Variants in UBE2K observed in about 807,000 individuals in gnomAD.
UBE2K encodes ubiquitin conjugating enzyme E2 K.
UBE2K carries 6 observed loss-of-function variants against 30.0 expected under a neutral mutation model. The observed-to-expected ratio is 0.20, with a 90% CI of 0.11 to 0.39. UBE2K has a LOEUF of 0.39. UBE2K is among the 10% of genes least tolerant of loss of function. The pLI, the probability that UBE2K is intolerant of heterozygous loss-of-function variation, is 1.00. For missense variants in UBE2K, 61 were observed against 241.6 expected, an observed-to-expected ratio of 0.25 and a Z score of 4.96; for synonymous variants, 86 against 83.7, an observed-to-expected ratio of 1.03 and a Z score of -0.15.
At chr4:39,758,464 G>C (rs1051360915) in intron 4 of UBE2K, among the ~76,000 whole-genome samples, 1 of 152,140 alleles carries the variant, frequency 6.6e-6, no homozygotes, top group Non-Finnish European at 1.5e-5. Flanking sequence ...GATCGCTTGA[G>C]GTCAGAAGTT....
chr4:39,733,901 G>A (rs1246899516), intron 1 of UBE2K, among the ~76,000 whole-genome samples: 2 of 152,046 alleles, frequency 1.3e-5, no homozygotes, highest in Non-Finnish European at 2.9e-5. Flanking sequence ...GACTCTTAAA[G>A]TAAGACTTTA....
chr4:39,761,869 T>C (rs1274952371), intron 4 of UBE2K, among the ~76,000 whole-genome samples: 1 of 152,162 alleles, frequency 6.6e-6, no homozygotes, highest in African/African-American at 2.4e-5. Flanking sequence ...TCATTTTTTT[T>C]TTTTAAAGTT....
intron 1 of UBE2K, among the ~76,000 whole-genome samples, chr4:39,706,254 G>C (rs1396610994): frequency 6.6e-6 from 1 of 151,940 alleles, no homozygotes; most frequent in Non-Finnish European, 1.5e-5. Flanking sequence ...CTGACCTCGT[G>C]ATCTGCCTGC....
intron 4 of UBE2K, among the ~76,000 whole-genome samples, chr4:39,773,864 G>T (rs369703369): frequency 4.9e-4 from 72 of 146,712 alleles, no homozygotes; most frequent in African/African-American, 1.2e-3. Context: ...GAGCTTGCAG[G>T]GAGCCGAGAT....
At chr4:39,766,946 T>G (rs2109396042) in intron 4 of UBE2K, among the ~76,000 whole-genome samples, 1 of 152,218 alleles carries the variant, frequency 6.6e-6, no homozygotes, top group South Asian at 2.1e-4. Context: ...AGATGGTGTT[T>G]TACCATGTTG....
intron 1 of UBE2K, among the ~76,000 whole-genome samples, chr4:39,705,926 T>A (rs928757870): frequency 1.4e-5 from 2 of 147,512 alleles, no homozygotes; most frequent in East Asian, 4.2e-4. Context: ...CTCAGCTCAC[T>A]GCAACCTCCG....
At chr4:39,772,821 G>A (rs1320300871) in intron 4 of UBE2K, among the ~76,000 whole-genome samples, 1 of 151,566 alleles carries the variant, frequency 6.6e-6, no homozygotes, top group African/African-American at 2.4e-5. Flanking sequence ...CTGAGCAGCT[G>A]GGATTACAGG....
At chr4:39,702,206 A>ATTTTCTTTTCTTTTC (rs36232683) in intron 1 of UBE2K, among the ~76,000 whole-genome samples, 7 of 97,922 alleles carry the variant, frequency 7.1e-5, no homozygotes, top group South Asian at 3.5e-4. Flanking sequence ...CTTTGGTAAC[A>ATTTTCTTTTCTTTTC]TTTTCTTTTC....
At chr4:39,711,690 G>C (rs1011877863) in intron 1 of UBE2K, among the ~76,000 whole-genome samples, 3 of 151,882 alleles carry the variant, frequency 2.0e-5, no homozygotes, top group African/African-American at 7.3e-5. Flanking sequence ...GCTTCTGCCT[G>C]ACTGGACATT....
chr4:39,774,993 G>A, intron 5 of UBE2K, 60 bp downstream of exon 5: 1 of 1,198,430 alleles, frequency 8.3e-7, no homozygotes, highest in Non-Finnish European at 1.2e-6. Flanking sequence ...AGCCACTTCA[G>A]TGGTTTGCAC....
At chr4:39,769,977 AC>A (rs750523436) in intron 4 of UBE2K, 98 of 823,016 alleles carry the variant, frequency 1.2e-4, no homozygotes, top group Non-Finnish European at 1.7e-4. Context: ...TCCCACTCTT[AC>A]CTTTCTGCCC....
At chr4:39,762,935 A>ATTTTT (rs1712052708) in intron 4 of UBE2K, among the ~76,000 whole-genome samples, 1 of 89,722 alleles carries the variant, frequency 1.1e-5, no homozygotes, top group Non-Finnish European at 2.3e-5. Context: ...GCCAAAAAAC[A>ATTTTT]CTTTTTTTTT....
chr4:39,757,021 T>TG lies in UBE2K; in HGVS notation c.299+1282_299+1283insG, dbSNP rs1560370560. 7.1e-4 allele frequency among the ~76,000 whole-genome samples: 70 copies of TG among 98,344 alleles called. 3 individuals carry two copies. The highest frequency in any genetic ancestry group is 3.1e-3 in the African/African-American group (70 of 22,476). The allele number at this position is 98,344 out of a possible 152,430, so 64.5% of individuals were successfully genotyped here. A position where few individuals can be genotyped will look rare whatever the true frequency, so the allele number is the denominator to read the frequency against. On this transcript the variant is annotated intron_variant, in intron 4 of 6. Transcript: ENST00000261427. ...GGGTGTTTTTTTTTTGTTTTTTGTT[T>TG]TTTGTTTTTTGTTTTTTTTTTGAGA...
At chr4:39,712,550 C>T (rs1016205168) in intron 1 of UBE2K, among the ~76,000 whole-genome samples, 4 of 151,888 alleles carry the variant, frequency 2.6e-5, no homozygotes, top group African/African-American at 9.7e-5. Flanking sequence ...CTGCCTCAGC[C>T]TCCTGAGATT....
intron 2 of UBE2K, among the ~76,000 whole-genome samples, chr4:39,742,235 C>G (rs1720742913): frequency 6.6e-6 from 1 of 151,758 alleles, no homozygotes; most frequent in South Asian, 2.1e-4. Flanking sequence ...AGTGCTGAAG[C>G]CAAATTTATT....
At chr4:39,765,322 A>G (rs972856030) in intron 4 of UBE2K, among the ~76,000 whole-genome samples, 2 of 150,282 alleles carry the variant, frequency 1.3e-5, no homozygotes, top group Admixed American at 6.6e-5. Flanking sequence ...CCAGGAGTTC[A>G]AGACCAGCCT....
chr4:39,768,667 C>T (rs1403987516), intron 4 of UBE2K, among the ~76,000 whole-genome samples: 2 of 152,120 alleles, frequency 1.3e-5, no homozygotes, highest in African/African-American at 4.8e-5. Flanking sequence ...CAGGCATGAA[C>T]CACCGTGCCT....
intron 4 of UBE2K, chr4:39,770,298 G>A (rs1232894451): frequency 2.5e-6 from 4 of 1,611,860 alleles, no homozygotes; most frequent in Admixed American, 3.3e-5. Context: ...GATGCCGCAC[G>A]AGTGTGACTT....
At chr4:39,760,195 G>GAAAAAAAAA in intron 4 of UBE2K, among the ~76,000 whole-genome samples, 1 of 102,584 alleles carries the variant, frequency 9.7e-6, no homozygotes, top group Non-Finnish European at 1.8e-5. Flanking sequence ...AAAAAAAACA[G>GAAAAAAAAA]AAAAAAAAAA....
Sources: allele counts gnomAD v4.1 joint callset (sites outside exome capture counted in the v4.1 genomes callset), GRCh38; gene constraint gnomAD v4.1.1; transcripts MANE v1.5; gene names NCBI Gene and HGNC (gene_info 2026-07-23, HGNC 2026-07-21).